Variants in GEMIN2 observed in about 807,000 individuals in gnomAD.
GEMIN2 encodes gem-associated protein 2.
In GEMIN2, 37 loss-of-function variants were observed where a neutral mutation model predicts 45.8. That is an observed-to-expected ratio of 0.81 (90% confidence interval 0.62 to 1.06). The LOEUF (loss-of-function observed/expected upper bound fraction) is 1.06, where lower values mean the gene tolerates loss of function less well. GEMIN2 is among the 50% of genes least tolerant of loss of function. GEMIN2 has a pLI of 0.00. For missense variants in GEMIN2, 335 were observed against 321.8 expected (o/e 1.04, Z -0.31); for synonymous variants, 101 against 111.5 (o/e 0.91, Z 0.60).
At chr14:39,126,394 G>A (rs745828833) in intron 6 of GEMIN2, among the ~76,000 whole-genome samples, 2 of 151,780 alleles carry the variant, frequency 1.3e-5, no homozygotes, top group Non-Finnish European at 2.9e-5. Context: ...TGTCCAGGCT[G>A]GTCTGGAACT....
At chr14:39,124,285 G>A (rs1013287475) in intron 5 of GEMIN2, among the ~76,000 whole-genome samples, 1 of 152,094 alleles carries the variant, frequency 6.6e-6, no homozygotes, top group African/African-American at 2.4e-5. Flanking sequence ...TCTAATTCAA[G>A]TGTCCTTAAT....
chr14:39,126,888 C>T (rs2052649372), intron 6 of GEMIN2, among the ~76,000 whole-genome samples: 2 of 152,086 alleles, frequency 1.3e-5, no homozygotes. Flanking sequence ...GCCTCAGCCT[C>T]CCTAGTAGCT....
rs750022556 is a variant in GEMIN2, at chr14:39,134,917, CTACT to C, written c.770+1204_770+1207del. On this transcript the variant is annotated intron_variant, in intron 9 of 9. Coordinates refer to ENST00000308317, the MANE Select transcript of GEMIN2 (RefSeq NM_003616.3). The stretch of plus-strand genomic sequence containing the variant: ...TTAAATGAGATGATATAGCATTGCC[CTACT>C]TACTTTATGTATAGTATCTCTACTC... Among the ~76,000 whole-genome samples, 3 of 152,322 alleles carry C rather than the reference CTACT, an allele frequency of 2.0e-5. No homozygotes were observed. The East Asian group carries it at 5.8e-4, about 29-fold the overall frequency.
chr14:39,114,986 C>G (rs533049928), intron 2 of GEMIN2, 73 bp downstream of exon 2: 1 of 755,998 alleles, frequency 1.3e-6, no homozygotes, highest in Non-Finnish European at 2.4e-6. Context: ...CCTATAGTAT[C>G]TGACAGCATC....
chr14:39,114,467 G>A lies in GEMIN2; in HGVS notation c.129G>A (p.Arg43=), dbSNP rs2052475366. The A allele has an allele frequency of 1.2e-6, 2 of 1,612,938 alleles. No individual in the cohort carries two copies. Among genetic ancestry groups the A allele is most frequent in the Admixed American group, 1.7e-5 (1 of 59,960 alleles). ...CGAGGACGCCTCAGGAATACCTGAG[G>A]CGGGTCCAGTGAGTGATTCGGCCCT... The part of the protein sequence containing the change: ...VPPRTPQEYL[R]RVQIEAAQCP... Residue 43 remains arginine, a synonymous_variant, in exon 1 of 10, where the codon AGG becomes AGA. Transcript: ENST00000308317.
chr14:39,133,854 C>T (rs971961589), intron 9 of GEMIN2, 135 bp downstream of exon 9: 11 of 512,068 alleles, frequency 2.1e-5, no homozygotes, highest in African/African-American at 8.0e-5. Flanking sequence ...GGTGCAGTGG[C>T]GCAATCACAG....
intron 6 of GEMIN2, among the ~76,000 whole-genome samples, chr14:39,127,797 C>T (rs61999432): frequency 0.13 from 20,023 of 152,026 alleles, 1,372 homozygotes; most frequent in Middle Eastern, 0.17. Context: ...GGGCTAGGCG[C>T]GGTGCCTCAC....
chr14:39,131,154 G>A (rs140607940), intron 7 of GEMIN2, among the ~76,000 whole-genome samples: 4 of 151,946 alleles, frequency 2.6e-5, no homozygotes, highest in East Asian at 1.9e-4. Context: ...AAAATTAGCC[G>A]GGTGTGGTGG....
intron 5 of GEMIN2, among the ~76,000 whole-genome samples, chr14:39,123,708 ATTTTTTT>A (rs1162485883): frequency 4.3e-3 from 161 of 37,558 alleles, no homozygotes; most frequent in African/African-American, 0.011. Context: ...ATATATATAT[ATTTTTTT>A]TTTTTTTTTT....
intron 3 of GEMIN2, 86 bp downstream of exon 3, chr14:39,118,174 C>A: frequency 1.7e-6 from 1 of 603,832 alleles, no homozygotes; most frequent in South Asian, 2.4e-5. Context: ...ATTTATGATC[C>A]TAAAGTATAC....
intron 2 of GEMIN2, among the ~76,000 whole-genome samples, chr14:39,116,048 CCTT>C (rs1290286204): frequency 2.6e-5 from 4 of 151,930 alleles, no homozygotes; most frequent in Non-Finnish European, 5.9e-5. Flanking sequence ...TCTTTTTCCC[CCTT>C]TTTTTTTTGC....
At chr14:39,117,835 A>C (rs1332536567) in intron 2 of GEMIN2, among the ~76,000 whole-genome samples, 164 bp from the exon 3 acceptor site, 1 of 152,226 alleles carries the variant, frequency 6.6e-6, no homozygotes, top group Non-Finnish European at 1.5e-5. Context: ...ATAAATAATA[A>C]AGTGAAATGC....
At chr14:39,122,667 C>G in intron 5 of GEMIN2, 124 bp downstream of exon 5, 1 of 508,544 alleles carries the variant, frequency 2.0e-6, no homozygotes, top group Non-Finnish European at 3.5e-6. Context: ...TATCCATGAG[C>G]TAAGGATTGT....
intron 5 of GEMIN2, among the ~76,000 whole-genome samples, chr14:39,124,071 AACTT>A (rs1436768059): frequency 2.0e-5 from 3 of 152,044 alleles, no homozygotes; most frequent in Non-Finnish European, 4.4e-5. Flanking sequence ...AAAGAATTAA[AACTT>A]ACTTATTTAG....
Position 39,118,026 on chromosome 14 carries a change from G to C in GEMIN2, c.250G>C (p.Gly84Arg). The change falls in exon 3 of 10, where the codon GGT (glycine) becomes CGT (arginine). Residue 84 changes from glycine to arginine, a missense_variant. Coordinates refer to ENST00000308317, the MANE Select transcript of GEMIN2 (RefSeq NM_003616.3). ...SLSGCQPAPE[G>R]YSPTLQWQQQ... ...TTCAGGATGCCAACCCGCCCCTGAA[G>C]GTTATTCCCCAACACTTCAATGGCA... 6.2e-7 allele frequency: 1 copy of C among 1,607,268 alleles called. No individual in the cohort carries two copies. Among genetic ancestry groups the C allele is most frequent in the Non-Finnish European group, 8.5e-7 (1 of 1,175,576 alleles).
chr14:39,116,927 T>C (rs1338306832), intron 2 of GEMIN2, among the ~76,000 whole-genome samples: 1 of 152,176 alleles, frequency 6.6e-6, no homozygotes, highest in East Asian at 1.9e-4. Context: ...ATTGTATTTT[T>C]TGTAGCGACG....
At chr14:39,123,214 C>T (rs1029700436) in intron 5 of GEMIN2, among the ~76,000 whole-genome samples, 2 of 152,152 alleles carry the variant, frequency 1.3e-5, no homozygotes, top group Admixed American at 6.6e-5. Flanking sequence ...TGCATTAGCG[C>T]TTACTCCCTA....
chr14:39,133,030 A>G lies in GEMIN2; in HGVS notation c.712-631A>G, dbSNP rs565762483. Reference sequence around the variant, plus strand: ...TATATGTGTGTGTGTGTGTGTGTATATATATATATCTTTATATATATATCT... The same window carrying G: ...TATATGTGTGTGTGTGTGTGTGTATGTATATATATCTTTATATATATATCT... On this transcript the variant is annotated intron_variant, in intron 8 of 9. Transcript: ENST00000308317. Among the ~76,000 whole-genome samples the G allele has an allele frequency of 4.2e-4, 60 of 142,226 alleles. 1 individual carries two copies. The highest frequency in any genetic ancestry group is 1.8e-3 in the East Asian group (9 of 5,080). The allele number at this position is 142,226 out of a possible 152,430, so 93.3% of individuals were successfully genotyped here.
At chr14:39,136,302 C>A in intron 9 of GEMIN2, 138 bp from the exon 10 acceptor site, 1 of 582,500 alleles carries the variant, frequency 1.7e-6, no homozygotes, top group Non-Finnish European at 3.1e-6. Flanking sequence ...TCATAATTTT[C>A]CACTATGTAG....
Sources: gnomAD v4.1 joint callset for allele counts (sites outside exome capture counted in the v4.1 genomes callset) on GRCh38, gnomAD v4.1.1 for gene constraint, MANE v1.5 for transcripts, NCBI Gene and HGNC (gene_info 2026-07-23, HGNC 2026-07-21) for gene names.